Variants in ATF7 observed in about 807,000 individuals in gnomAD.
ATF7 encodes the protein activating transcription factor 7.
A neutral mutation model predicts 50.4 loss-of-function variants in ATF7; 10 were observed. The ratio of observed to expected loss-of-function variants is 0.20; its 90% CI spans 0.12 to 0.34. ATF7 has a LOEUF of 0.34. Ranked by LOEUF, ATF7 falls within the 10% of genes least tolerant of loss-of-function variation. The pLI is 1.00. For synonymous variants in ATF7, 201 were observed against 226.4 expected (o/e 0.89, Z 1.01); for missense variants, 465 against 613.9 (o/e 0.76, Z 2.56).
At position 53,514,585 on chromosome 12, in the gene ATF7, G is replaced by T. The variant is rs1248491318; in HGVS notation, c.*2552C>A. The T allele has an allele frequency of 6.6e-6, 1 of 152,142 alleles. No individual in the cohort carries two copies. Among genetic ancestry groups the T allele is most frequent in the African/African-American group, 2.4e-5 (1 of 41,426 alleles). 9.4% of individuals were successfully genotyped at this position (152,142 alleles called of 1,614,324 possible). On this transcript the variant is annotated 3_prime_UTR_variant, in exon 12 of 12. Coordinates refer to ENST00000420353, the MANE Select transcript of ATF7 (RefSeq NM_006856.3). ...ACTCAAGAACTATCTAGGGGGTTCT[G>T]ACCTGCTGCTTCCTTATTTCAGTGC...
chr12:53,601,097 T>C, intron 1 of ATF7, 76 bp from the exon 2 acceptor site: 1 of 1,089,114 alleles, frequency 9.2e-7, no homozygotes, highest in Non-Finnish European at 1.3e-6. Flanking sequence ...GCTTCAAAAA[T>C]ATCAACCCTA....
intron 3 of ATF7, chr12:53,543,697 C>T (rs774812550): frequency 6.8e-6 from 3 of 440,746 alleles, no homozygotes; most frequent in Non-Finnish European, 1.2e-5. Context: ...TGACTATCCA[C>T]GTACCCACTT....
chr12:53,536,686 G>C (rs1939245953), intron 5 of ATF7, among the ~76,000 whole-genome samples: 1 of 151,922 alleles, frequency 6.6e-6, no homozygotes, highest in African/African-American at 2.4e-5. Context: ...TCAGGAGATC[G>C]AGACCAGCCT....
At chr12:53,545,729 GATAGGA>G (rs1281018720) in intron 3 of ATF7, among the ~76,000 whole-genome samples, 2 of 152,128 alleles carry the variant, frequency 1.3e-5, no homozygotes, top group East Asian at 3.9e-4. Context: ...GGAGGGGAGG[GATAGGA>G]ATATAGGAGT....
intron 2 of ATF7, among the ~76,000 whole-genome samples, chr12:53,566,988 G>T (rs1325769106): frequency 6.6e-6 from 1 of 152,150 alleles, no homozygotes; most frequent in Non-Finnish European, 1.5e-5. Flanking sequence ...TCCTGACCTT[G>T]TGATCCGCCC....
At chr12:53,560,079 C>A (rs987290616) in intron 2 of ATF7, among the ~76,000 whole-genome samples, 1 of 152,042 alleles carries the variant, frequency 6.6e-6, no homozygotes, top group Non-Finnish European at 1.5e-5. Context: ...CCTGCCACCA[C>A]ACCCGGCTAA....
chr12:53,583,613 C>G (rs1036723149), intron 2 of ATF7, among the ~76,000 whole-genome samples: 16 of 151,948 alleles, frequency 1.1e-4, no homozygotes, highest in African/African-American at 3.9e-4. Flanking sequence ...AGGTGGGGGA[C>G]CACTGACCTA....
chr12:53,591,829 C>T (rs1466761045), intron 2 of ATF7, among the ~76,000 whole-genome samples: 1 of 152,146 alleles, frequency 6.6e-6, no homozygotes, highest in Non-Finnish European at 1.5e-5. Context: ...TGCTGAATGT[C>T]GAACAGAGCA....
intron 1 of ATF7, 47 bp from the exon 2 acceptor site, chr12:53,601,068 G>GAA: frequency 8.5e-7 from 1 of 1,178,244 alleles, no homozygotes; most frequent in South Asian, 1.5e-5. Flanking sequence ...ATATGCTGGA[G>GAA]CAAAAAAAAA....
intron 2 of ATF7, among the ~76,000 whole-genome samples, chr12:53,572,016 G>A (rs1285632287): frequency 2.0e-5 from 3 of 151,492 alleles, no homozygotes; most frequent in Admixed American, 2.0e-4. Context: ...GCAGTGAGCC[G>A]AGACAGTGCC....
At chr12:53,570,859 A>G (rs189196627) in intron 2 of ATF7, among the ~76,000 whole-genome samples, 10 of 152,040 alleles carry the variant, frequency 6.6e-5, no homozygotes, top group Admixed American at 1.3e-4. Flanking sequence ...CATATTAACT[A>G]ATGCCATCTG....
chr12:53,604,982 C>T (rs1943543433), intron 1 of ATF7, among the ~76,000 whole-genome samples: 1 of 152,078 alleles, frequency 6.6e-6, no homozygotes, highest in Non-Finnish European at 1.5e-5. Context: ...TTCAATTAGT[C>T]AGAGGTTGAT....
At chr12:53,584,326 C>T (rs998576604) in intron 2 of ATF7, among the ~76,000 whole-genome samples, 1 of 152,158 alleles carries the variant, frequency 6.6e-6, no homozygotes, top group African/African-American at 2.4e-5. Context: ...ATCCATTACA[C>T]ACCTATTAGA....
At chr12:53,608,995 T>C (rs571627530) in intron 1 of ATF7, among the ~76,000 whole-genome samples, 1 of 152,236 alleles carries the variant, frequency 6.6e-6, no homozygotes, top group South Asian at 2.1e-4. Flanking sequence ...GGCAGTAGAT[T>C]ATTTAGGTAT....
intron 2 of ATF7, among the ~76,000 whole-genome samples, chr12:53,597,921 A>G (rs1016407802): frequency 1.5e-4 from 23 of 152,032 alleles, no homozygotes; most frequent in African/African-American, 5.6e-4. Flanking sequence ...GTTCTAAACC[A>G]CGTCTTGCAA....
intron 2 of ATF7, among the ~76,000 whole-genome samples, chr12:53,565,653 C>T (rs1047764576): frequency 2.0e-5 from 3 of 151,836 alleles, no homozygotes; most frequent in African/African-American, 4.8e-5. Flanking sequence ...CTACCACACC[C>T]GGATAATTTT....
Position 53,623,215 on chromosome 12 carries a change from T to G in ATF7, c.-22+3064A>C, listed in dbSNP as rs534294275. Reference sequence around the variant, plus strand: ...ACTTTCTCCTTAGAGTATTCAAAAGTCAAAAGACCAACCGTCTTTTAACAC... The same window carrying G: ...ACTTTCTCCTTAGAGTATTCAAAAGGCAAAAGACCAACCGTCTTTTAACAC... On this transcript the variant is annotated intron_variant, in intron 1 of 11. Coordinates refer to ENST00000420353, the MANE Select transcript of ATF7 (RefSeq NM_006856.3). Among the ~76,000 whole-genome samples the G allele has an allele frequency of 4.4e-4, 67 of 152,218 alleles. 1 individual carries two copies. The highest frequency in any genetic ancestry group is 1.5e-3 in the African/African-American group (64 of 41,548).
At chr12:53,587,605 T>C (rs1942750654) in intron 2 of ATF7, among the ~76,000 whole-genome samples, 1 of 148,896 alleles carries the variant, frequency 6.7e-6, no homozygotes, top group African/African-American at 2.5e-5. Flanking sequence ...AGGCAGAGGT[T>C]GCAGTGAGTG....
intron 2 of ATF7, among the ~76,000 whole-genome samples, chr12:53,582,746 T>A (rs1046599966): frequency 6.6e-6 from 1 of 152,058 alleles, no homozygotes; most frequent in African/African-American, 2.4e-5. Context: ...GCCCGGCTAA[T>A]TTTTTGTATT....
Sources: allele counts gnomAD v4.1 joint callset (sites outside exome capture counted in the v4.1 genomes callset), GRCh38; gene constraint gnomAD v4.1.1; transcripts MANE v1.5; gene names NCBI Gene and HGNC (gene_info 2026-07-23, HGNC 2026-07-21).